Variants in STOX2 observed in about 807,000 individuals in gnomAD.
The protein encoded by STOX2 is storkhead-box protein 2.
Under a neutral mutation model 60.9 loss-of-function variants are expected in STOX2, and 28 were observed. That is an observed-to-expected ratio of 0.46 (90% CI 0.34 to 0.63). The LOEUF (loss-of-function observed/expected upper bound fraction) is 0.63. Among genes scored for constraint, STOX2 ranks in the 30% least tolerant of loss-of-function variants. The pLI, the probability that STOX2 is intolerant of heterozygous loss-of-function variation, is 0.01. For synonymous variants in STOX2, 472 were observed against 463.9 expected (o/e 1.02, Z -0.22); for missense variants, 1,024 against 1,187.7 (o/e 0.86, Z 2.03).
intron 1 of STOX2, among the ~76,000 whole-genome samples, chr4:183,977,144 T>C (rs1334321523): frequency 6.6e-6 from 1 of 152,184 alleles, no homozygotes; most frequent in African/African-American, 2.4e-5. Flanking sequence ...CCAAACAGTG[T>C]ACATTGTACC....
At chr4:183,913,305 G>A (rs1033276031) in intron 1 of STOX2, among the ~76,000 whole-genome samples, 6 of 152,176 alleles carry the variant, frequency 3.9e-5, no homozygotes, top group Admixed American at 3.3e-4. Flanking sequence ...TTATGGGGTA[G>A]GTAACACATT....
chr4:183,917,494 T>C (rs1741964974), intron 1 of STOX2, among the ~76,000 whole-genome samples: 1 of 152,264 alleles, frequency 6.6e-6, no homozygotes, highest in Non-Finnish European at 1.5e-5. Context: ...GTGATTGGAA[T>C]GTGCGTTCTG....
chr4:183,945,840 C>G (rs1742871338), intron 1 of STOX2, among the ~76,000 whole-genome samples: 1 of 152,218 alleles, frequency 6.6e-6, no homozygotes, highest in South Asian at 2.1e-4. Context: ...ATCATTTCCT[C>G]TCTCCTTGCG....
At chr4:183,841,749 A>G (rs1005986032) in intron 1 of STOX2, among the ~76,000 whole-genome samples, 1 of 152,194 alleles carries the variant, frequency 6.6e-6, no homozygotes, top group African/African-American at 2.4e-5. Context: ...ATACAGAGCA[A>G]CTCTTATTTT....
Position 183,924,835 on chromosome 4 carries a change from G to T in STOX2, c.166+17879G>T, listed in dbSNP as rs78808588. Among the ~76,000 whole-genome samples the T allele has an allele frequency of 8.1e-3, 1,240 of 152,218 alleles. 35 individuals carry two copies. Among genetic ancestry groups the T allele is most frequent in the Admixed American group, 0.057 (876 of 15,300 alleles). On this transcript the variant is annotated intron_variant, in intron 1 of 3. Coordinates refer to ENST00000308497, the MANE Select transcript of STOX2 (RefSeq NM_020225.3). ...GAAGTTGGCTGCAAGAGTTGGAAGAGGTCATGGGCAAGATACCAGAGTCAA... is the reference window on the plus strand; with the variant it reads ...GAAGTTGGCTGCAAGAGTTGGAAGATGTCATGGGCAAGATACCAGAGTCAA...
chr4:183,988,285 A>T (rs922438414), intron 1 of STOX2: 8 of 152,000 alleles, frequency 5.3e-5, no homozygotes, highest in African/African-American at 1.9e-4. Context: ...GAGAACAAGC[A>T]GAAGAGGAGT....
intron 1 of STOX2, among the ~76,000 whole-genome samples, chr4:183,958,567 T>C (rs1743324143): frequency 6.6e-6 from 1 of 152,200 alleles, no homozygotes; most frequent in Non-Finnish European, 1.5e-5. Flanking sequence ...ATCTTCCCTC[T>C]CATTCTCTTC....
intron 1 of STOX2, among the ~76,000 whole-genome samples, chr4:183,897,014 A>C (rs532074555): frequency 2.0e-5 from 3 of 152,198 alleles, no homozygotes; most frequent in African/African-American, 7.2e-5. Flanking sequence ...TGGGTGGTCC[A>C]GTAGAGAACT....
intron 1 of STOX2, among the ~76,000 whole-genome samples, chr4:183,869,126 A>G (rs1187685124): frequency 1.3e-5 from 2 of 152,198 alleles, no homozygotes; most frequent in Admixed American, 6.5e-5. Context: ...TGAAATTAAA[A>G]CTTCCCAGTA....
At chr4:183,881,004 A>T (rs1373132944) in intron 1 of STOX2, among the ~76,000 whole-genome samples, 11 of 152,168 alleles carry the variant, frequency 7.2e-5, no homozygotes, top group Non-Finnish European at 2.9e-5. Flanking sequence ...AAGAGTGAAA[A>T]CATTCTCTAA....
intron 1 of STOX2, among the ~76,000 whole-genome samples, chr4:183,894,596 T>G (rs540746493): frequency 3.3e-5 from 5 of 152,186 alleles, no homozygotes; most frequent in African/African-American, 1.2e-4. Context: ...AGCAGGAAAC[T>G]ATTTGAGCTT....
At chr4:183,870,240 C>T (rs2111162435) in intron 1 of STOX2, among the ~76,000 whole-genome samples, 1 of 152,290 alleles carries the variant, frequency 6.6e-6, no homozygotes, top group East Asian at 1.9e-4. Flanking sequence ...ACTTGCGCGA[C>T]ATTTTTAACA....
intron 1 of STOX2, among the ~76,000 whole-genome samples, chr4:183,859,496 G>A (rs1457943864): frequency 2.0e-5 from 3 of 152,200 alleles, no homozygotes; most frequent in Admixed American, 2.0e-4. Flanking sequence ...GGGGACTGGG[G>A]GCAGTGGGCA....
At chr4:183,812,190 C>T (rs1410830436) in intron 1 of STOX2, among the ~76,000 whole-genome samples, 2 of 152,192 alleles carry the variant, frequency 1.3e-5, no homozygotes, top group Non-Finnish European at 2.9e-5. Flanking sequence ...CCTTGGCCTC[C>T]CAAAGCATTG....
intron 1 of STOX2, among the ~76,000 whole-genome samples, chr4:183,980,514 C>T (rs868030035): frequency 6.6e-5 from 10 of 152,152 alleles, no homozygotes; most frequent in Admixed American, 2.0e-4. Context: ...GCAAACCTCC[C>T]TGAACTGGGT....
At chr4:183,846,264 T>A (rs978894858) in intron 1 of STOX2, among the ~76,000 whole-genome samples, 2 of 152,236 alleles carry the variant, frequency 1.3e-5, no homozygotes, top group Non-Finnish European at 2.9e-5. Flanking sequence ...TTATAATGTA[T>A]CTTGTTTTGG....
intron 1 of STOX2, among the ~76,000 whole-genome samples, chr4:183,929,469 A>G (rs371025322): frequency 5.5e-4 from 84 of 152,320 alleles, no homozygotes; most frequent in African/African-American, 2.0e-3. Flanking sequence ...GGTCATTGCC[A>G]TACCTGAGTG....
chr4:183,951,788 A>G lies in STOX2; in HGVS notation c.166+44832A>G, dbSNP rs140951846. On this transcript the variant is annotated intron_variant, in intron 1 of 3. Coordinates refer to ENST00000308497, the MANE Select transcript of STOX2 (RefSeq NM_020225.3). ...CCCCCGTCTCTACTCAAAAAATACA[A>G]AAAAATTAGCTGGGCGTGGTGGTGC... Among the ~76,000 whole-genome samples the G allele has an allele frequency of 3.1e-3, 471 of 152,088 alleles. 2 individuals are homozygous for G. Among genetic ancestry groups the G allele is most frequent in the Admixed American group, 5.0e-3 (76 of 15,252 alleles).
chr4:183,861,376 A>G (rs1003733124), intron 1 of STOX2, among the ~76,000 whole-genome samples: 3 of 152,162 alleles, frequency 2.0e-5, no homozygotes, highest in Non-Finnish European at 4.4e-5. Flanking sequence ...GTTTGCCGCC[A>G]TGGTGAAGTT....
Sources: allele counts gnomAD v4.1 joint callset (sites outside exome capture counted in the v4.1 genomes callset), GRCh38; gene constraint gnomAD v4.1.1; transcripts MANE v1.5; gene names NCBI Gene and HGNC (gene_info 2026-07-23, HGNC 2026-07-21).